Variants in PLCE1 observed in about 807,000 individuals in gnomAD.
PLCE1 encodes the protein phospholipase C epsilon 1.
A neutral mutation model predicts 242.8 loss-of-function variants in PLCE1; 119 were observed. The ratio of observed to expected loss-of-function variants is 0.49; its 90% confidence interval spans 0.42 to 0.57. The LOEUF is 0.57. Among genes scored for constraint, PLCE1 ranks in the 20% least tolerant of loss-of-function variants. The probability of loss-of-function intolerance (pLI) is 0.00; values close to 1 mark genes in which losing one functional copy is unlikely to be tolerated. For synonymous variants in PLCE1, 945 were observed against 1,017.4 expected, an observed-to-expected ratio of 0.93 and a Z score of 1.35; for missense variants, 2,441 against 2,788.8, an observed-to-expected ratio of 0.88 and a Z score of 2.81.
At chr10:94,253,744 A>C (rs1372559668) in intron 9 of PLCE1, among the ~76,000 whole-genome samples, 2 of 152,116 alleles carry the variant, frequency 1.3e-5, no homozygotes, top group Non-Finnish European at 2.9e-5. Flanking sequence ...TTCATGAGGG[A>C]TCCACCCCCA....
intron 1 of PLCE1, among the ~76,000 whole-genome samples, chr10:93,999,649 T>C (rs936707058): frequency 6.6e-6 from 1 of 152,200 alleles, no homozygotes. Context: ...CCCGAAGCCG[T>C]GGGAGCAGTT....
intron 17 of PLCE1, among the ~76,000 whole-genome samples, chr10:94,269,475 A>G (rs1374599782): frequency 6.6e-6 from 1 of 152,132 alleles, no homozygotes; most frequent in Non-Finnish European, 1.5e-5. Context: ...CTGGGTCTAA[A>G]TGAAGACTTC....
chr10:94,324,881 T>C lies in PLCE1; in HGVS notation c.6721-11T>C. On this transcript the variant is annotated splice_polypyrimidine_tract_variant and intron_variant, in intron 31 of 32. Transcript: ENST00000371380. Reference sequence around the variant, plus strand: ...AACCTAACACCAATGGAAGGTTCTTTGTTCCCACAGGCATCTCGAGAAGAT... The same window carrying C: ...AACCTAACACCAATGGAAGGTTCTTCGTTCCCACAGGCATCTCGAGAAGAT... 6.2e-7 allele frequency: 1 copy of C among 1,613,780 alleles called. No homozygotes were observed. The highest frequency in any genetic ancestry group is 8.5e-7 in the Non-Finnish European group (1 of 1,179,764).
intron 1 of PLCE1, among the ~76,000 whole-genome samples, chr10:94,022,993 C>T (rs1457840004): frequency 6.6e-6 from 1 of 152,126 alleles, no homozygotes; most frequent in Non-Finnish European, 1.5e-5. Context: ...GCATGTTCTT[C>T]AGGGGCTCTC....
At chr10:94,116,757 C>A (rs906352797) in intron 2 of PLCE1, among the ~76,000 whole-genome samples, 3 of 152,022 alleles carry the variant, frequency 2.0e-5, no homozygotes, top group Admixed American at 1.3e-4. Context: ...GATGATGAAA[C>A]CTGTTGGATG....
At chr10:94,132,874 TGA>T (rs1033737805) in intron 3 of PLCE1, among the ~76,000 whole-genome samples, 5 of 145,846 alleles carry the variant, frequency 3.4e-5, no homozygotes, top group African/African-American at 1.3e-4. Flanking sequence ...GGTGTGAACC[TGA>T]GAGGTGGAGC....
chr10:94,279,472 T>G, intron 19 of PLCE1: 1 of 413,140 alleles, frequency 2.4e-6, no homozygotes, highest in East Asian at 5.3e-5. Flanking sequence ...GGATTGATGC[T>G]GGTTCTCCAA....
intron 22 of PLCE1, among the ~76,000 whole-genome samples, chr10:94,291,003 G>A (rs148291613): frequency 2.4e-4 from 37 of 152,262 alleles, no homozygotes; most frequent in African/African-American, 8.4e-4. Flanking sequence ...CATCATATAC[G>A]TGGTCTGTTG....
At chr10:94,157,724 C>T (rs1031610098) in intron 3 of PLCE1, among the ~76,000 whole-genome samples, 1 of 152,224 alleles carries the variant, frequency 6.6e-6, no homozygotes, top group Non-Finnish European at 1.5e-5. Flanking sequence ...CCAGCTATCC[C>T]TGTAGTTCCT....
intron 4 of PLCE1, among the ~76,000 whole-genome samples, chr10:94,207,209 C>T (rs71480894): frequency 0.018 from 2,765 of 152,164 alleles, 34 homozygotes; most frequent in Non-Finnish European, 0.029. Context: ...ACGTCAGGAG[C>T]GTGCCCCCAG....
chr10:94,221,109 C>A (rs552064844), intron 4 of PLCE1, among the ~76,000 whole-genome samples: 10 of 152,348 alleles, frequency 6.6e-5, no homozygotes, highest in African/African-American at 2.4e-4. Flanking sequence ...TGGGTGAGTT[C>A]TCAAACTCCA....
At position 94,171,267 on chromosome 10, in the gene PLCE1, C is replaced by G. The variant is rs377031690; in HGVS notation, c.1580C>G (p.Pro527Arg). The change falls in exon 4 of 33, where the codon CCT becomes CGT. Residue 527 changes from proline to arginine, a missense_variant. Physicochemically the swap from Pro to Arg is moderately radical, Grantham distance 103. This residue lies in a region of PLCE1 where 733 missense variants were observed against 754.2 expected (regional missense o/e 0.97). Transcript: ENST00000371380. ...AGCAAGGAGCTGATCGATCTGCAGCCTCTCATCCAGTTCCCAGAGGAAGTC... is the reference window on the plus strand; with the variant it reads ...AGCAAGGAGCTGATCGATCTGCAGCGTCTCATCCAGTTCCCAGAGGAAGTC... ...GISKELIDLQ[P>R]LIQFPEEVAS... 1 of 1,614,168 alleles carries G rather than the reference C, an allele frequency of 6.2e-7. No individual in the cohort carries two copies. The highest frequency in any genetic ancestry group is 8.5e-7 in the Non-Finnish European group (1 of 1,179,990).
intron 7 of PLCE1, among the ~76,000 whole-genome samples, chr10:94,236,701 G>T (rs1221425123): frequency 6.6e-6 from 1 of 152,122 alleles, no homozygotes; most frequent in African/African-American, 2.4e-5. Flanking sequence ...TTTTTAAATT[G>T]CTCAGTAATT....
At chr10:94,285,838 G>A (rs1238097591) in intron 22 of PLCE1, among the ~76,000 whole-genome samples, 4 of 152,102 alleles carry the variant, frequency 2.6e-5, no homozygotes, top group Non-Finnish European at 1.5e-5. Context: ...TCCCCCAATT[G>A]ACCGTTTTTA....
chr10:94,324,100 G>A (rs761142708), intron 30 of PLCE1, among the ~76,000 whole-genome samples: 11 of 152,158 alleles, frequency 7.2e-5, no homozygotes, highest in Admixed American at 5.2e-4. Context: ...TTAAGTATAA[G>A]CTTCCTCGTC....
intron 4 of PLCE1, among the ~76,000 whole-genome samples, chr10:94,210,064 G>T (rs575413271): frequency 6.6e-6 from 1 of 152,070 alleles, no homozygotes; most frequent in African/African-American, 2.4e-5. Context: ...CAGAATATTT[G>T]TCCAGTCAAC....
intron 7 of PLCE1, 22 bp downstream of exon 7, chr10:94,236,142 T>G: frequency 6.3e-7 from 1 of 1,589,044 alleles, no homozygotes; most frequent in Non-Finnish European, 8.6e-7. Context: ...ACGTTAAAAG[T>G]GAGGAATGCT....
chr10:94,097,655 G>A (rs2045363737), intron 2 of PLCE1, among the ~76,000 whole-genome samples: 1 of 152,198 alleles, frequency 6.6e-6, no homozygotes, highest in Non-Finnish European at 1.5e-5. Context: ...TGTAACAAAT[G>A]GGTTTCAAAA....
intron 2 of PLCE1, among the ~76,000 whole-genome samples, chr10:94,061,529 C>G (rs2134968550): frequency 6.6e-6 from 1 of 152,218 alleles, no homozygotes; most frequent in Non-Finnish European, 1.5e-5. Context: ...CAAAGAGAAA[C>G]TGACTTTTGT....
Sources: gnomAD v4.1 joint callset for allele counts (sites outside exome capture counted in the v4.1 genomes callset) on GRCh38, gnomAD v4.1.1 for gene constraint, gnomAD v4.1.1 regional missense constraint, MANE v1.5 for transcripts, NCBI Gene and HGNC (gene_info 2026-07-23, HGNC 2026-07-21) for gene names.